Variants in NEK5 observed in about 807,000 individuals in gnomAD.
NEK5 encodes the protein serine/threonine-protein kinase Nek5.
In NEK5, 88 loss-of-function variants were observed where a neutral mutation model predicts 109.2. The ratio of observed to expected loss-of-function variants is 0.81; its 90% confidence interval spans 0.68 to 0.96. The LOEUF is 0.96. Ranked by LOEUF, NEK5 falls within the 40% of genes least tolerant of loss-of-function variation. The probability of loss-of-function intolerance (pLI) is 0.00; values close to 1 mark genes in which losing one functional copy is unlikely to be tolerated. For synonymous variants in NEK5, 283 were observed against 299.9 expected (o/e 0.94, Z 0.58); for missense variants, 834 against 920.7 (o/e 0.91, Z 1.22).
intron 15 of NEK5, among the ~76,000 whole-genome samples, chr13:52,086,564 T>A: frequency 6.6e-6 from 1 of 152,204 alleles, no homozygotes; most frequent in Non-Finnish European, 1.5e-5. Flanking sequence ...GCTACAGAGC[T>A]CAATTTTATA....
rs112091705 is a variant in NEK5, at chr13:52,065,569, C to G, written c.1890G>C (p.Arg630Ser). The change falls in exon 21 of 24, where the codon AGG (arginine) becomes AGC (serine). Residue 630 changes from arginine to serine, a missense_variant. Physicochemically the swap from Arg to Ser is moderately radical, Grantham distance 110 (BLOSUM62 -1). Coordinates refer to ENST00000684899, the MANE Select transcript of NEK5 (RefSeq NM_001365552.1). ...TQTVAAVGNR[R>S]QWDGGAPQTL... Reference sequence around the variant, plus strand: ...TCTGAGGCGCTCCTCCATCCCACTGCCTCCTGTTTCCCACAGCAGCTACAG... The same window carrying G: ...TCTGAGGCGCTCCTCCATCCCACTGGCTCCTGTTTCCCACAGCAGCTACAG... 27 of 1,613,976 alleles carry G rather than the reference C, an allele frequency of 1.7e-5. No homozygotes were observed. In the African/African-American group the frequency reaches 2.9e-4, roughly 18 times the overall value.
In NEK5 at chr13:52,036,887, T is replaced by A; in HGVS notation, c.*61A>T. 1.3e-6 allele frequency: 1 copy of A among 799,028 alleles called. No individual in the cohort carries two copies. The highest frequency in any genetic ancestry group is 1.9e-5 in the African/African-American group (1 of 53,598). 49.5% of individuals were successfully genotyped at this position (799,028 alleles called of 1,614,324 possible). On this transcript the variant is annotated 3_prime_UTR_variant, in exon 24 of 24. Coordinates refer to ENST00000684899, the MANE Select transcript of NEK5 (RefSeq NM_001365552.1). ...ACAGTAAATGAGCATTTATGACTTG[T>A]ACCCAAATAAATACTATAGGTAATA...
At chr13:52,118,432 T>C (rs1955903043) in intron 4 of NEK5, among the ~76,000 whole-genome samples, 1 of 152,252 alleles carries the variant, frequency 6.6e-6, no homozygotes, top group South Asian at 2.1e-4. Context: ...GATTTTCATC[T>C]GCTTTGTTCA....
chr13:52,084,709 A>AAGAG lies in NEK5; in HGVS notation c.1480-1361_1480-1358dup, dbSNP rs879660846. Among the ~76,000 whole-genome samples, 29 of 93,836 alleles carry AAGAG rather than the reference A, an allele frequency of 3.1e-4. 1 individual carries two copies. The highest frequency in any genetic ancestry group is 2.0e-3 in the Admixed American group (16 of 8,146). The allele number at this position is 93,836 out of a possible 152,430, so 61.6% of individuals were successfully genotyped here. On this transcript the variant is annotated intron_variant, in intron 16 of 23. Transcript: ENST00000684899. ...CAAACCACCATGTCCGGCTAATTTAAAGAGAGAGAGAGAGAGAGAGAGAGT... is the reference window on the plus strand; with the variant it reads ...CAAACCACCATGTCCGGCTAATTTAAAGAGAGAGAGAGAGAGAGAGAGAGAGAGT...
chr13:52,087,577 T>G (rs1955176494), intron 14 of NEK5, 123 bp from the exon 15 acceptor site: 1 of 530,900 alleles, frequency 1.9e-6, no homozygotes, highest in Admixed American at 3.1e-5. Flanking sequence ...ATTTGGGAGT[T>G]TTTTTTGTGG....
chr13:52,128,113 G>A (rs1311992662), intron 1 of NEK5, among the ~76,000 whole-genome samples: 1 of 152,104 alleles, frequency 6.6e-6, no homozygotes, highest in Middle Eastern at 3.2e-3. Context: ...ATTCCTGTGC[G>A]TGGAAAAATC....
intron 4 of NEK5, among the ~76,000 whole-genome samples, chr13:52,117,312 C>T (rs1955879373): frequency 6.6e-6 from 1 of 152,198 alleles, no homozygotes; most frequent in African/African-American, 2.4e-5. Context: ...TACCTACACT[C>T]TCTAAAAGAC....
rs115964727 is a variant in NEK5 at position 52,109,020 on chromosome 13, C to T, written c.468-616G>A. On this transcript the variant is annotated intron_variant, in intron 7 of 23. Transcript: ENST00000684899. The stretch of plus-strand genomic sequence containing the variant: ...CATTTCCCAATTATTTAGGCATTTA[C>T]GTTATTCCAAATTTCAAATTATTCC... 2.7e-3 allele frequency among the ~76,000 whole-genome samples: 412 copies of T among 152,270 alleles called. 3 individuals are homozygous for T. The highest frequency in any genetic ancestry group is 9.4e-3 in the African/African-American group (391 of 41,554).
intron 17 of NEK5, among the ~76,000 whole-genome samples, chr13:52,077,252 T>C (rs919942305): frequency 2.0e-5 from 3 of 152,254 alleles, no homozygotes; most frequent in Non-Finnish European, 2.9e-5. Context: ...TGAAAACGTA[T>C]GCTTTCAGCC....
intron 4 of NEK5, among the ~76,000 whole-genome samples, chr13:52,115,812 T>C (rs2138092501): frequency 6.6e-6 from 1 of 152,144 alleles, no homozygotes; most frequent in Non-Finnish European, 1.5e-5. Flanking sequence ...CTAAATAACC[T>C]TTTTATTTGT....
At chr13:52,089,744 T>C (rs1399310262) in intron 13 of NEK5, among the ~76,000 whole-genome samples, 1 of 152,028 alleles carries the variant, frequency 6.6e-6, no homozygotes, top group Admixed American at 6.6e-5. Context: ...CCCCAGCACT[T>C]TGGGAGGCCG....
At chr13:52,118,701 C>T (rs899605242) in intron 4 of NEK5, among the ~76,000 whole-genome samples, 6 of 152,118 alleles carry the variant, frequency 3.9e-5, no homozygotes, top group African/African-American at 7.2e-5. Context: ...TCCCCCTCTC[C>T]GTGGCAGTGT....
chr13:52,107,726 C>A (rs1033844365), intron 8 of NEK5, among the ~76,000 whole-genome samples: 1 of 151,860 alleles, frequency 6.6e-6, no homozygotes, highest in Non-Finnish European at 1.5e-5. Context: ...TAACAAGGAG[C>A]CTTTTAAGAT....
chr13:52,078,459 C>G (rs1353817984), intron 17 of NEK5, among the ~76,000 whole-genome samples: 1 of 152,146 alleles, frequency 6.6e-6, no homozygotes, highest in Non-Finnish European at 1.5e-5. Context: ...GCGCAACAAA[C>G]TTTTGCAGGT....
At chr13:52,092,839 T>C (rs991950919) in intron 13 of NEK5, among the ~76,000 whole-genome samples, 2 of 152,122 alleles carry the variant, frequency 1.3e-5, no homozygotes, top group Non-Finnish European at 2.9e-5. Flanking sequence ...TGAGCTGAGA[T>C]TGCGCCACCG....
intron 20 of NEK5, among the ~76,000 whole-genome samples, chr13:52,069,922 C>T (rs1954758669): frequency 6.6e-6 from 1 of 152,168 alleles, no homozygotes; most frequent in Admixed American, 6.6e-5. Flanking sequence ...ACATTTCAGG[C>T]TCAGAAAACA....
At chr13:52,125,249 G>A (rs1241082465) in intron 3 of NEK5, among the ~76,000 whole-genome samples, 1 of 152,180 alleles carries the variant, frequency 6.6e-6, no homozygotes, top group African/African-American at 2.4e-5. Context: ...GGGGTAATAT[G>A]CTACACAGCA....
chr13:52,111,654 G>A (rs1369925282), intron 5 of NEK5, among the ~76,000 whole-genome samples: 1 of 152,142 alleles, frequency 6.6e-6, no homozygotes, highest in Non-Finnish European at 1.5e-5. Context: ...AATCATAAAG[G>A]AGCTAATTCA....
intron 22 of NEK5, among the ~76,000 whole-genome samples, chr13:52,058,141 A>C (rs1257823590): frequency 6.9e-6 from 1 of 144,240 alleles, no homozygotes. Context: ...AATCACAAGC[A>C]TTCTTATACA....
Sources: allele counts gnomAD v4.1 joint callset (sites outside exome capture counted in the v4.1 genomes callset), GRCh38; gene constraint gnomAD v4.1.1; transcripts MANE v1.5; gene names NCBI Gene and HGNC (gene_info 2026-07-23, HGNC 2026-07-21).